MORN1: variants seen among roughly 807,000 people sequenced by gnomAD.
The protein encoded by MORN1 is MORN repeat-containing protein 1.
Under a neutral mutation model 61.9 loss-of-function variants are expected in MORN1, and 67 were observed. That is an observed-to-expected ratio of 1.08 (90% CI 0.89 to 1.33). The LOEUF (loss-of-function observed/expected upper bound fraction) is 1.33, where lower values mean the gene tolerates loss of function less well. Ranked by LOEUF, MORN1 falls within the 40% of genes most tolerant of loss-of-function variation. The probability of loss-of-function intolerance (pLI) is 0.00; values close to 1 mark genes in which losing one functional copy is unlikely to be tolerated. For missense variants in MORN1, 752 were observed against 691.2 expected, an observed-to-expected ratio of 1.09 and a Z score of -0.99; for synonymous variants, 301 against 292.0, an observed-to-expected ratio of 1.03 and a Z score of -0.31.
At chr1:2,339,078 G>A (rs1641341368) in intron 10 of MORN1, among the ~76,000 whole-genome samples, 2 of 152,174 alleles carry the variant, frequency 1.3e-5, no homozygotes, top group Non-Finnish European at 1.5e-5. Flanking sequence ...TCCTCTGTGC[G>A]GTCCCTGTCC....
intron 12 of MORN1, among the ~76,000 whole-genome samples, chr1:2,335,828 T>TAGCCCAGCGCAGCCCAGCCC (rs1553208712): frequency 1.4e-5 from 2 of 143,014 alleles, no homozygotes; most frequent in African/African-American, 6.1e-5. Flanking sequence ...CTCGCCTCCA[T>TAGCCCAGCGCAGCCCAGCCC]AGCCCAGCCC....
intron 7 of MORN1, among the ~76,000 whole-genome samples, chr1:2,374,124 C>G (rs1038794554): frequency 6.6e-6 from 1 of 152,204 alleles, no homozygotes; most frequent in South Asian, 2.1e-4. Context: ...GCCCAACTGG[C>G]TGGTCCTTCT....
At chr1:2,360,088 A>G (rs1014960199) in intron 8 of MORN1, among the ~76,000 whole-genome samples, 2 of 152,140 alleles carry the variant, frequency 1.3e-5, no homozygotes, top group African/African-American at 2.4e-5. Context: ...GCTACCCCCA[A>G]TCATCACGGA....
At chr1:2,346,485 A>C (rs1641518306) in intron 10 of MORN1, among the ~76,000 whole-genome samples, 1 of 152,194 alleles carries the variant, frequency 6.6e-6, no homozygotes, top group Non-Finnish European at 1.5e-5. Context: ...TCCCTGGTTC[A>C]AGCGATTCTT....
chr1:2,349,315 G>A (rs887026576), intron 10 of MORN1, among the ~76,000 whole-genome samples: 10 of 152,266 alleles, frequency 6.6e-5, no homozygotes, highest in African/African-American at 1.9e-4. Context: ...AACCCCAAGG[G>A]AGGGGTGCTC....
intron 8 of MORN1, among the ~76,000 whole-genome samples, chr1:2,370,181 G>A (rs1217604847): frequency 6.6e-6 from 1 of 152,200 alleles, no homozygotes; most frequent in Non-Finnish European, 1.5e-5. Flanking sequence ...GGGGGTCCAG[G>A]CATCAACCCT....
Position 2,385,792 on chromosome 1 carries a change from A to AC in MORN1, c.449+14_449+15insG. ...CTGTCATGCGCCAGGCAGTACCCAC[A>AC]AGACTCATACTCACTGAAAGAGCAT... is the stretch of plus-strand genomic sequence containing the variant. On this transcript the variant is annotated intron_variant, in intron 5 of 13. Coordinates refer to ENST00000378531, the MANE Select transcript of MORN1 (RefSeq NM_024848.3). The AC allele has an allele frequency of 6.2e-7, 1 of 1,611,656 alleles. No homozygotes were observed. The highest frequency in any genetic ancestry group is 8.5e-7 in the Non-Finnish European group (1 of 1,178,064).
In MORN1 at chr1:2,372,715, CA is replaced by C; in HGVS notation, c.635-125del. ...CCCAGTGTGGCAGCTGGAACACAAG[CA>C]CATGCGGGGGCCGACCCTCCGCAAA... On this transcript the variant is annotated intron_variant, in intron 7 of 13. Transcript: ENST00000378531. This position sits in a 1 kb window ranked among gnomAD's most constrained non-coding sequence, Gnocchi z 5.4. 2 of 684,824 alleles carry C rather than the reference CA, an allele frequency of 2.9e-6. No homozygotes were observed. The highest frequency in any genetic ancestry group is 5.0e-6 in the Non-Finnish European group (2 of 402,408). 42.4% of individuals were successfully genotyped at this position (684,824 alleles called of 1,614,324 possible).
chr1:2,382,007 G>C (rs1642382994), intron 6 of MORN1, among the ~76,000 whole-genome samples: 1 of 152,192 alleles, frequency 6.6e-6, no homozygotes, highest in Non-Finnish European at 1.5e-5. Context: ...CTTGGCCCAG[G>C]GCGCTGGTGA....
At chr1:2,323,293 T>G (rs1640924997) in intron 13 of MORN1, 7 of 985,376 alleles carry the variant, frequency 7.1e-6, no homozygotes, top group Non-Finnish European at 8.4e-6. Flanking sequence ...CTGCTTGTTC[T>G]CCCGCTGCGC....
intron 8 of MORN1, among the ~76,000 whole-genome samples, chr1:2,365,151 C>T (rs1448124349): frequency 6.7e-6 from 1 of 150,184 alleles, no homozygotes; most frequent in Non-Finnish European, 1.5e-5. Context: ...TTACCTTGGG[C>T]AGTATGGCCA....
intron 8 of MORN1, among the ~76,000 whole-genome samples, chr1:2,359,703 C>A (rs1007956777): frequency 6.6e-6 from 1 of 152,000 alleles, no homozygotes; most frequent in Non-Finnish European, 1.5e-5. Flanking sequence ...GCCAACATGG[C>A]GAAACCTGTC....
intron 8 of MORN1, among the ~76,000 whole-genome samples, chr1:2,359,171 C>T (rs555151267): frequency 8.5e-5 from 13 of 152,240 alleles, no homozygotes; most frequent in Admixed American, 2.6e-4. Flanking sequence ...CACAAGCTCC[C>T]GGGGCCTCCA....
chr1:2,378,994 A>C (rs1427212255), intron 6 of MORN1: 1 of 470,648 alleles, frequency 2.1e-6, no homozygotes, highest in Non-Finnish European at 4.4e-6. Flanking sequence ...TAACACGTTT[A>C]TTTTCAGGAA....
In MORN1 at chr1:2,336,866, GAAGA is replaced by G. The variant is rs757212925; in HGVS notation, c.1037-20_1037-17del. ...TGTCCCCTGGCTGAGGAGACAGAAT[GAAGA>G]AAGACCCTATGAGGGGCTCAGGGCG... is the stretch of plus-strand genomic sequence containing the variant. On this transcript the variant is annotated splice_polypyrimidine_tract_variant and intron_variant, in intron 10 of 13. Coordinates refer to ENST00000378531, the MANE Select transcript of MORN1 (RefSeq NM_024848.3). 4.5e-6 allele frequency: 7 copies of G among 1,547,118 alleles called. No homozygotes were observed. The East Asian group carries it at 1.4e-4, about 30-fold the overall frequency.
chr1:2,323,479 T>A (rs1640928614), intron 13 of MORN1: 1 of 985,232 alleles, frequency 1.0e-6, no homozygotes, highest in Admixed American at 6.2e-5. Flanking sequence ...GGTGCCCAGG[T>A]CCTGCTAGGG....
At chr1:2,347,473 G>A (rs767800302) in intron 10 of MORN1, among the ~76,000 whole-genome samples, 1 of 152,168 alleles carries the variant, frequency 6.6e-6, no homozygotes, top group Non-Finnish European at 1.5e-5. Flanking sequence ...ACACCAGGGA[G>A]GAGGATCCCG....
Position 2,336,394 on chromosome 1 carries a change from G to A in MORN1, c.1250+75C>T, listed in dbSNP as rs897382088. On this transcript the variant is annotated intron_variant, in intron 12 of 13. Coordinates refer to ENST00000378531, the MANE Select transcript of MORN1 (RefSeq NM_024848.3). ...CCCTTGGCTCCCCTGGGCCTTCCCC[G>A]TCCTCCTGGCCCAGCTGATGAGGAG... is the stretch of plus-strand genomic sequence containing the variant. The A allele has an allele frequency of 7.0e-5, 103 of 1,467,954 alleles. No homozygotes were observed. The Middle Eastern group carries it at 7.3e-4, about 10-fold the overall frequency. The allele number at this position is 1,467,954 out of a possible 1,614,324, so 90.9% of individuals were successfully genotyped here. A position where few individuals can be genotyped will look rare whatever the true frequency, so the allele number is the denominator to read the frequency against.
chr1:2,350,429 G>A (rs565613836), intron 10 of MORN1: 7 of 152,332 alleles, frequency 4.6e-5, no homozygotes, highest in East Asian at 1.9e-4. Context: ...CCTCTTTGTC[G>A]ATTTATTTGT....
Sources: allele counts gnomAD v4.1 joint callset (sites outside exome capture counted in the v4.1 genomes callset), GRCh38; gene constraint gnomAD v4.1.1; non-coding constraint Gnocchi (gnomAD v3.1); transcripts MANE v1.5; gene names NCBI Gene and HGNC (gene_info 2026-07-23, HGNC 2026-07-21).